Variants in MARCHF11 observed in about 807,000 individuals in gnomAD.
The protein encoded by MARCHF11 is E3 ubiquitin-protein ligase MARCHF11.
MARCHF11 carries 29 observed loss-of-function variants against 37.3 expected under a neutral mutation model. The ratio of observed to expected loss-of-function variants is 0.78; its 90% CI spans 0.58 to 1.06. The LOEUF is 1.06. MARCHF11 is among the 50% of genes least tolerant of loss of function. The pLI is 0.00. For synonymous variants in MARCHF11, 233 were observed against 228.0 expected (o/e 1.02, Z -0.20); for missense variants, 482 against 533.4 (o/e 0.90, Z 0.95).
intron 2 of MARCHF11, among the ~76,000 whole-genome samples, chr5:16,125,377 A>G (rs1737384824): frequency 6.6e-6 from 1 of 152,172 alleles, no homozygotes; most frequent in African/African-American, 2.4e-5. Flanking sequence ...TTCATGTTCA[A>G]CACATCCTAT....
At chr5:16,135,371 T>C (rs1484433812) in intron 2 of MARCHF11, among the ~76,000 whole-genome samples, 2 of 152,110 alleles carry the variant, frequency 1.3e-5, no homozygotes, top group Non-Finnish European at 2.9e-5. Flanking sequence ...AGCTGGTGCA[T>C]AAAATTAAGT....
chr5:16,112,960 G>A (rs766703683), intron 2 of MARCHF11, among the ~76,000 whole-genome samples: 2 of 152,118 alleles, frequency 1.3e-5, no homozygotes, highest in East Asian at 1.9e-4. Context: ...ACATGGAACT[G>A]TGAGTCCATT....
At chr5:16,071,748 T>C (rs1736439790) in intron 3 of MARCHF11, among the ~76,000 whole-genome samples, 1 of 152,202 alleles carries the variant, frequency 6.6e-6, no homozygotes, top group Admixed American at 6.5e-5. Context: ...CTGATTTAAT[T>C]ACCAAACCAC....
chr5:16,156,824 T>C (rs1281305420), intron 2 of MARCHF11, among the ~76,000 whole-genome samples: 3 of 151,900 alleles, frequency 2.0e-5, no homozygotes, highest in African/African-American at 7.2e-5. Flanking sequence ...ATACAATATA[T>C]TACTGTACTG....
intron 2 of MARCHF11, 77 bp from the exon 3 acceptor site, chr5:16,091,158 G>A: frequency 1.7e-6 from 2 of 1,189,828 alleles, no homozygotes; most frequent in Non-Finnish European, 2.3e-6. Context: ...TCAGTCCTGT[G>A]TTTCTTTTCA....
At chr5:16,153,213 C>A (rs965577384) in intron 2 of MARCHF11, among the ~76,000 whole-genome samples, 1 of 151,924 alleles carries the variant, frequency 6.6e-6, no homozygotes, top group East Asian at 1.9e-4. Flanking sequence ...TTGGATTAGA[C>A]ATGAAAAGCA....
At position 16,067,357 on chromosome 5, in the gene MARCHF11, T is replaced by C; in HGVS notation, c.*114A>G. On this transcript the variant is annotated 3_prime_UTR_variant, in exon 4 of 4. Transcript: ENST00000332432. ...AATTCAAATGTTCATATAAAAAGCA[T>C]AAATTTTAAAAAGTTCATAGATGTG... 2.1e-6 allele frequency: 2 copies of C among 964,466 alleles called. No homozygotes were observed. Among genetic ancestry groups the C allele is most frequent in the East Asian group, 2.5e-5 (1 of 40,670 alleles). 59.7% of individuals were successfully genotyped at this position (964,466 alleles called of 1,614,324 possible). A position where few individuals can be genotyped will look rare whatever the true frequency, so the allele number is the denominator to read the frequency against.
intron 2 of MARCHF11, chr5:16,141,375 T>A (rs1471090178): frequency 2.0e-5 from 3 of 152,180 alleles, no homozygotes; most frequent in African/African-American, 7.2e-5. Flanking sequence ...CAAGAGGCAT[T>A]TAGCAGCACA....
At chr5:16,140,376 G>A (rs1737682449) in intron 2 of MARCHF11, among the ~76,000 whole-genome samples, 1 of 151,986 alleles carries the variant, frequency 6.6e-6, no homozygotes, top group Admixed American at 6.6e-5. Flanking sequence ...AAGCCCCTTG[G>A]CTTAAAAATA....
In MARCHF11 at chr5:16,158,465, A is replaced by T. The variant is rs116165135; in HGVS notation, c.693+19261T>A. On this transcript the variant is annotated intron_variant, in intron 2 of 3. Transcript: ENST00000332432. ...AACAACATGTATGAACCTGAGGGAC[A>T]CTATGTTAAGTGAAATAAGCCAGGC... Among the ~76,000 whole-genome samples the T allele has an allele frequency of 3.8e-3, 585 of 152,068 alleles. 2 individuals are homozygous for T. Among genetic ancestry groups the T allele is most frequent in the Middle Eastern group, 0.01 (3 of 294 alleles).
At chr5:16,067,922 G>A (rs1736377038) in intron 3 of MARCHF11, 129 bp from the exon 4 acceptor site, 2 of 818,432 alleles carry the variant, frequency 2.4e-6, no homozygotes, top group Non-Finnish European at 3.7e-6. Context: ...ACAGTATTCT[G>A]TTTACTCAAA....
intron 2 of MARCHF11, among the ~76,000 whole-genome samples, chr5:16,120,969 T>C (rs1737300390): frequency 6.6e-6 from 1 of 152,234 alleles, no homozygotes; most frequent in Admixed American, 6.5e-5. Context: ...AAATGGTGGT[T>C]GTTCTAAACC....
chr5:16,069,745 G>C (rs1157506443), intron 3 of MARCHF11, among the ~76,000 whole-genome samples: 2 of 152,160 alleles, frequency 1.3e-5, no homozygotes, highest in African/African-American at 4.8e-5. Context: ...TTGAAAGATT[G>C]CTAGTAACCT....
At chr5:16,112,983 C>T (rs1049933776) in intron 2 of MARCHF11, among the ~76,000 whole-genome samples, 7 of 152,080 alleles carry the variant, frequency 4.6e-5, no homozygotes, top group African/African-American at 9.7e-5. Flanking sequence ...ACCTCTTTTT[C>T]GTCGTAAATT....
intron 2 of MARCHF11, among the ~76,000 whole-genome samples, chr5:16,174,502 C>T (rs1738323113): frequency 6.6e-6 from 1 of 152,218 alleles, no homozygotes; most frequent in Non-Finnish European, 1.5e-5. Flanking sequence ...ACAAGTGAAA[C>T]TAAGGTGTTA....
At chr5:16,077,410 C>T (rs958643498) in intron 3 of MARCHF11, among the ~76,000 whole-genome samples, 1 of 152,010 alleles carries the variant, frequency 6.6e-6, no homozygotes, top group Non-Finnish European at 1.5e-5. Flanking sequence ...GTATTTGTTG[C>T]TCTGTTTTGG....
chr5:16,069,203 A>G (rs187421600), intron 3 of MARCHF11, among the ~76,000 whole-genome samples: 1 of 152,330 alleles, frequency 6.6e-6, no homozygotes, highest in African/African-American at 2.4e-5. Flanking sequence ...CATAATGACA[A>G]TCCCAAAGTC....
At chr5:16,080,869 G>C (rs1383593505) in intron 3 of MARCHF11, among the ~76,000 whole-genome samples, 1 of 151,876 alleles carries the variant, frequency 6.6e-6, no homozygotes, top group East Asian at 1.9e-4. Context: ...TATTAATCTT[G>C]ATCAGCCACA....
At chr5:16,157,067 G>A (rs1362934484) in intron 2 of MARCHF11, among the ~76,000 whole-genome samples, 2 of 151,840 alleles carry the variant, frequency 1.3e-5, no homozygotes, top group South Asian at 2.1e-4. Context: ...CATGCAAAAC[G>A]CAGTGAACTA....
Sources: gnomAD v4.1 joint callset for allele counts (sites outside exome capture counted in the v4.1 genomes callset) on GRCh38, gnomAD v4.1.1 for gene constraint, MANE v1.5 for transcripts, NCBI Gene and HGNC (gene_info 2026-07-23, HGNC 2026-07-21) for gene names.